The following CNOT6L variants were observed in gnomAD, a reference collection of about 807,000 sequenced individuals.
CNOT6L encodes the protein CCR4-NOT transcription complex subunit 6-like.
In CNOT6L, 7 loss-of-function variants were observed where a neutral mutation model predicts 64.0. The ratio of observed to expected loss-of-function variants is 0.11; its 90% CI spans 0.06 to 0.21. The LOEUF (loss-of-function observed/expected upper bound fraction) is 0.21. Among genes scored for constraint, CNOT6L ranks in the 10% least tolerant of loss-of-function variants. The pLI is 1.00. For synonymous variants in CNOT6L, 193 were observed against 243.4 expected, an observed-to-expected ratio of 0.79 and a Z score of 1.93; for missense variants, 245 against 669.0, an observed-to-expected ratio of 0.37 and a Z score of 6.99.
chr4:77,744,684 T>C (rs1724004462), intron 7 of CNOT6L, 34 bp downstream of exon 7: 3 of 1,550,964 alleles, frequency 1.9e-6, no homozygotes, highest in South Asian at 2.5e-5. Context: ...GTTCACCTTT[T>C]AAGTTAAAGA....
chr4:77,814,084 A>G lies in CNOT6L; in HGVS notation c.5+5220T>C, dbSNP rs145944416. On this transcript the variant is annotated intron_variant, in intron 1 of 11. Coordinates refer to ENST00000504123, the MANE Select transcript of CNOT6L (RefSeq NM_144571.3). Reference sequence around the variant, plus strand: ...GAATGAAATACTTGCTATGACACGGATGAACCGTGAAAACACGGTAAGTGA... The same window carrying G: ...GAATGAAATACTTGCTATGACACGGGTGAACCGTGAAAACACGGTAAGTGA... 4.6e-3 allele frequency among the ~76,000 whole-genome samples: 705 copies of G among 152,316 alleles called. 8 individuals are homozygous for G. Among genetic ancestry groups the G allele is most frequent in the African/African-American group, 0.016 (680 of 41,578 alleles).
At chr4:77,740,395 C>G (rs1723450591) in intron 8 of CNOT6L, among the ~76,000 whole-genome samples, 1 of 151,874 alleles carries the variant, frequency 6.6e-6, no homozygotes, top group African/African-American at 2.4e-5. Flanking sequence ...AAACAAATGT[C>G]AAATTCAGGG....
rs1720883721 is a variant in CNOT6L, at chr4:77,717,593, A to C, written c.*2838T>G. Reference sequence around the variant, plus strand: ...AGCATATATATTTTACTTTCATTGAATATATATATATATATGTCATTCACC... The same window carrying C: ...AGCATATATATTTTACTTTCATTGACTATATATATATATATGTCATTCACC... On this transcript the variant is annotated 3_prime_UTR_variant, in exon 12 of 12. Transcript: ENST00000504123. The C allele has an allele frequency of 6.7e-6, 1 of 148,276 alleles. No homozygotes were observed. Among genetic ancestry groups the C allele is most frequent in the South Asian group, 2.1e-4 (1 of 4,724 alleles). The allele number at this position is 148,276 out of a possible 1,614,324, so 9.2% of individuals were successfully genotyped here. A position where few individuals can be genotyped will look rare whatever the true frequency, so the allele number is the denominator to read the frequency against.
In CNOT6L at chr4:77,715,656, T is replaced by TGCATGCTC. The variant is rs1720667997; in HGVS notation, c.*4767_*4774dup. 6.6e-6 allele frequency: 1 copy of TGCATGCTC among 152,556 alleles called. No individual in the cohort carries two copies. Among genetic ancestry groups the TGCATGCTC allele is most frequent in the Admixed American group, 6.6e-5 (1 of 15,232 alleles). 9.5% of individuals were successfully genotyped at this position (152,556 alleles called of 1,614,324 possible). A position where few individuals can be genotyped will look rare whatever the true frequency, so the allele number is the denominator to read the frequency against. ...AGGTATTTGGTTAAAACAAGAAATA[T>TGCATGCTC]GCATGCTCTTCCTTACCACCTTCCT... On this transcript the variant is annotated 3_prime_UTR_variant, in exon 12 of 12. Coordinates refer to ENST00000504123, the MANE Select transcript of CNOT6L (RefSeq NM_144571.3).
chr4:77,811,874 T>TA (rs34864447), intron 1 of CNOT6L, among the ~76,000 whole-genome samples: 1,592 of 140,922 alleles, frequency 0.011, 27 homozygotes, highest in African/African-American at 0.037. Context: ...AGGAGCAGTT[T>TA]AAAAAAAAAA....
intron 6 of CNOT6L, among the ~76,000 whole-genome samples, chr4:77,748,019 C>A (rs775512973): frequency 3.4e-4 from 52 of 151,722 alleles, no homozygotes; most frequent in Non-Finnish European, 6.0e-4. Flanking sequence ...AATTTTAAAA[C>A]CAAGGGCTGC....
At position 77,713,793 on chromosome 4, in the gene CNOT6L, A is replaced by G. The variant is rs534880422; in HGVS notation, c.*6638T>C. ...AAATAAAGCAGCTGGTGATTTTGTC[A>G]GAGAGAATGTGTTCAGTAAGAGTAG... On this transcript the variant is annotated 3_prime_UTR_variant, in exon 12 of 12. Transcript: ENST00000504123. 1.2e-4 allele frequency: 18 copies of G among 152,704 alleles called. 1 individual carries two copies. The highest frequency in any genetic ancestry group is 1.0e-3 in the Admixed American group (16 of 15,292). 9.5% of individuals were successfully genotyped at this position (152,704 alleles called of 1,614,324 possible).
chr4:77,743,040 T>C (rs1356649079), intron 7 of CNOT6L, among the ~76,000 whole-genome samples: 2 of 152,164 alleles, frequency 1.3e-5, no homozygotes, highest in Non-Finnish European at 2.9e-5. Context: ...AGAATTTTAG[T>C]AACATGGAAA....
intron 4 of CNOT6L, among the ~76,000 whole-genome samples, chr4:77,772,862 G>C (rs954872873): frequency 6.6e-6 from 1 of 152,152 alleles, no homozygotes; most frequent in African/African-American, 2.4e-5. Flanking sequence ...GGCAGAGCTT[G>C]CAGTGAGCCA....
chr4:77,793,486 A>C (rs914889795), intron 1 of CNOT6L, among the ~76,000 whole-genome samples: 4 of 152,156 alleles, frequency 2.6e-5, no homozygotes, highest in African/African-American at 9.7e-5. Context: ...CTCTGGTCAC[A>C]TGGTTAGTGG....
chr4:77,772,442 T>G (rs907113622), intron 4 of CNOT6L, among the ~76,000 whole-genome samples: 1 of 152,080 alleles, frequency 6.6e-6, no homozygotes, highest in Non-Finnish European at 1.5e-5. Flanking sequence ...GTCAGGCTGG[T>G]CTCAAACCAG....
At position 77,815,839 on chromosome 4, in the gene CNOT6L, C is replaced by T. The variant is rs570846238; in HGVS notation, c.5+3465G>A. Among the ~76,000 whole-genome samples, 10 of 152,270 alleles carry T rather than the reference C, an allele frequency of 6.6e-5. 1 individual carries two copies. The South Asian group carries it at 1.9e-3, about 28-fold the overall frequency. The stretch of plus-strand genomic sequence containing the variant: ...AACATAAGAGGAAAGCCACAAGAAA[C>T]CTGCTAACCAGGAGCACCTGCACTG... On this transcript the variant is annotated intron_variant, in intron 1 of 11. Coordinates refer to ENST00000504123, the MANE Select transcript of CNOT6L (RefSeq NM_144571.3).
At chr4:77,794,641 G>A (rs1440340708) in intron 1 of CNOT6L, among the ~76,000 whole-genome samples, 2 of 152,076 alleles carry the variant, frequency 1.3e-5, no homozygotes, top group Non-Finnish European at 2.9e-5. Flanking sequence ...CTGATAAATG[G>A]CATCAATGAA....
intron 8 of CNOT6L, among the ~76,000 whole-genome samples, chr4:77,739,322 T>C (rs1723324469): frequency 6.6e-6 from 1 of 152,240 alleles, no homozygotes; most frequent in Non-Finnish European, 1.5e-5. Context: ...CAGTGTTGAC[T>C]ACTCTTCCAC....
At chr4:77,782,000 G>A (rs1166839455) in intron 1 of CNOT6L, among the ~76,000 whole-genome samples, 1 of 152,106 alleles carries the variant, frequency 6.6e-6, no homozygotes, top group South Asian at 2.1e-4. Flanking sequence ...ACAGATGCTG[G>A]CAGAGTTCCT....
intron 4 of CNOT6L, among the ~76,000 whole-genome samples, chr4:77,766,464 T>C (rs1045578643): frequency 2.0e-5 from 3 of 152,058 alleles, no homozygotes; most frequent in East Asian, 3.9e-4. Context: ...CCAGTATTAA[T>C]GCTTCCACTC....
At chr4:77,736,110 C>T (rs1216402417) in intron 8 of CNOT6L, among the ~76,000 whole-genome samples, 4 of 152,106 alleles carry the variant, frequency 2.6e-5, no homozygotes, top group Non-Finnish European at 4.4e-5. Context: ...AAAAGCAAAA[C>T]TAGTCTTCCT....
At chr4:77,737,443 A>G (rs1723096024) in intron 8 of CNOT6L, among the ~76,000 whole-genome samples, 2 of 89,088 alleles carry the variant, frequency 2.2e-5, no homozygotes, top group Admixed American at 1.8e-4. Context: ...TTTTTTTGAG[A>G]TGGAATCTTG....
intron 1 of CNOT6L, among the ~76,000 whole-genome samples, chr4:77,808,799 CTG>C (rs1030694786): frequency 6.6e-6 from 1 of 152,100 alleles, no homozygotes; most frequent in African/African-American, 2.4e-5. Flanking sequence ...CATATGTACT[CTG>C]TATGTCATAG....
Sources: allele counts gnomAD v4.1 joint callset (sites outside exome capture counted in the v4.1 genomes callset), GRCh38; gene constraint gnomAD v4.1.1; transcripts MANE v1.5; gene names NCBI Gene and HGNC (gene_info 2026-07-23, HGNC 2026-07-21).